Variants in POLR3F observed in about 807,000 individuals in gnomAD.
POLR3F encodes RNA polymerase III subunit F.
A neutral mutation model predicts 43.6 loss-of-function variants in POLR3F; 31 were observed. The observed-to-expected ratio is 0.71, with a 90% CI of 0.53 to 0.96. The LOEUF (loss-of-function observed/expected upper bound fraction) is 0.96. POLR3F is among the 40% of genes least tolerant of loss of function. POLR3F has a pLI of 0.00. For synonymous variants in POLR3F, 114 were observed against 132.5 expected (o/e 0.86, Z 0.96); for missense variants, 316 against 391.7 (o/e 0.81, Z 1.63).
intron 2 of POLR3F, among the ~76,000 whole-genome samples, chr20:18,472,528 CTATT>C (rs1247763319): frequency 2.6e-5 from 4 of 151,700 alleles, no homozygotes; most frequent in Admixed American, 1.3e-4. Flanking sequence ...CAGAATATGC[CTATT>C]TAGTCTTTAT....
At chr20:18,470,094 T>G (rs1366318671) in intron 2 of POLR3F, among the ~76,000 whole-genome samples, 2 of 152,208 alleles carry the variant, frequency 1.3e-5, no homozygotes, top group Non-Finnish European at 2.9e-5. Context: ...ACCCACCAAG[T>G]GGTGCCGATG....
chr20:18,468,728 G>T (rs955052280), intron 1 of POLR3F, among the ~76,000 whole-genome samples: 1 of 152,114 alleles, frequency 6.6e-6, no homozygotes, highest in Non-Finnish European at 1.5e-5. Context: ...GTGAGGAAAA[G>T]AAATATTCTT....
At chr20:18,481,556 A>C in intron 7 of POLR3F, 63 bp from the exon 8 acceptor site, 1 of 1,142,182 alleles carries the variant, frequency 8.8e-7, no homozygotes, top group Non-Finnish European at 1.3e-6. Flanking sequence ...ACTGTTTTTA[A>C]CACCCTCCAA....
At chr20:18,473,093 T>C (rs1031442493) in intron 3 of POLR3F, 184 bp downstream of exon 3, 9 of 379,064 alleles carry the variant, frequency 2.4e-5, no homozygotes, top group Admixed American at 8.6e-5. Flanking sequence ...CTTCTAGCTA[T>C]ATATAAATAC....
chr20:18,476,738 C>T (rs558719806), intron 5 of POLR3F, among the ~76,000 whole-genome samples: 2 of 152,282 alleles, frequency 1.3e-5, no homozygotes, highest in South Asian at 2.1e-4. Flanking sequence ...AAGTTACATA[C>T]TAAAAGATAT....
At chr20:18,481,310 C>T (rs538909171) in intron 7 of POLR3F, among the ~76,000 whole-genome samples, 11 of 152,298 alleles carry the variant, frequency 7.2e-5, no homozygotes, top group Admixed American at 4.6e-4. Flanking sequence ...AGTGCGATCT[C>T]AGCTCACTGC....
At chr20:18,471,896 C>T (rs1044524275) in intron 2 of POLR3F, among the ~76,000 whole-genome samples, 4 of 152,196 alleles carry the variant, frequency 2.6e-5, no homozygotes, top group Admixed American at 2.0e-4. Context: ...GCACGAGAAT[C>T]GCATGAACCC....
rs1219679949 is a variant in POLR3F, at chr20:18,483,602, T to G, written c.*44T>G. ...ATTGACATTTTGCAAATGAAGTTAC[T>G]TAGGGAGCAGATAATTTAATTCATG... On this transcript the variant is annotated 3_prime_UTR_variant, in exon 9 of 9. Coordinates refer to ENST00000377603, the MANE Select transcript of POLR3F (RefSeq NM_006466.4). 1.2e-6 allele frequency: 1 copy of G among 815,210 alleles called. No individual in the cohort carries two copies. Among genetic ancestry groups the G allele is most frequent in the Non-Finnish European group, 1.9e-6 (1 of 514,806 alleles). The allele number at this position is 815,210 out of a possible 1,614,324, so 50.5% of individuals were successfully genotyped here.
chr20:18,484,290 G>T lies in POLR3F; in HGVS notation c.*732G>T, dbSNP rs2059826491. 1 of 395,778 alleles carries T rather than the reference G, an allele frequency of 2.5e-6. No homozygotes were observed. Among genetic ancestry groups the T allele is most frequent in the South Asian group, 1.4e-4 (1 of 7,202 alleles). The allele number at this position is 395,778 out of a possible 1,614,324, so 24.5% of individuals were successfully genotyped here. A position where few individuals can be genotyped will look rare whatever the true frequency, so the allele number is the denominator to read the frequency against. ...TTATGTTTCACTCTTTAACTCAAAT[G>T]TATTCTTTGTTAGAATTTACCCTAG... On this transcript the variant is annotated 3_prime_UTR_variant, in exon 9 of 9. Coordinates refer to ENST00000377603, the MANE Select transcript of POLR3F (RefSeq NM_006466.4).
chr20:18,479,729 T>C (rs1156986431), intron 5 of POLR3F, among the ~76,000 whole-genome samples: 3 of 152,142 alleles, frequency 2.0e-5, no homozygotes, highest in Non-Finnish European at 2.9e-5. Flanking sequence ...CTGAGAGAGA[T>C]GACTAAATGT....
At chr20:18,468,326 C>T (rs1477291644) in intron 1 of POLR3F, among the ~76,000 whole-genome samples, 2 of 152,170 alleles carry the variant, frequency 1.3e-5, no homozygotes, top group African/African-American at 2.4e-5. Flanking sequence ...CCGCCCGCCT[C>T]GGCCTCCCAA....
At chr20:18,476,237 C>T (rs974195620) in intron 5 of POLR3F, among the ~76,000 whole-genome samples, 5 of 152,168 alleles carry the variant, frequency 3.3e-5, no homozygotes, top group Non-Finnish European at 7.4e-5. Context: ...CAAATGTGGC[C>T]ACTAGTATTT....
At chr20:18,479,915 A>C in intron 5 of POLR3F, 123 bp from the exon 6 acceptor site, 1 of 642,296 alleles carries the variant, frequency 1.6e-6, no homozygotes, top group Non-Finnish European at 2.7e-6. Flanking sequence ...TGATGTATAT[A>C]GGAGCTCTGT....
chr20:18,471,807 A>G (rs2059753484), intron 2 of POLR3F, among the ~76,000 whole-genome samples: 2 of 152,164 alleles, frequency 1.3e-5, no homozygotes, highest in South Asian at 4.1e-4. Flanking sequence ...ACATGGCCTA[A>G]CCCTATCTCT....
chr20:18,475,104 AG>A lies in POLR3F; in HGVS notation c.347del (p.Ser116IlefsTer5). ...ATGGAGCAGAGATATCCGCTATAAA[AG>A]TAATTTGCCATTAACAGAAATCAAC... is the stretch of plus-strand genomic sequence containing the variant. ...GIWSRDIRYKSNLPLTEINKI... is the reference protein window; with the variant it reads ...GIWSRDIRYKXNLPLTEINKI... On this transcript the variant is annotated frameshift_variant, in exon 5 of 9. Transcript: ENST00000377603. LOFTEE classifies it high-confidence loss of function. The A allele has an allele frequency of 1.3e-6, 2 of 1,500,004 alleles. No individual in the cohort carries two copies. Among genetic ancestry groups the A allele is most frequent in the Non-Finnish European group, 1.9e-6 (2 of 1,077,510 alleles). 92.9% of individuals were successfully genotyped at this position (1,500,004 alleles called of 1,614,324 possible).
chr20:18,481,743 T>C lies in POLR3F; in HGVS notation c.806T>C (p.Leu269Pro). The C allele has an allele frequency of 1.2e-6, 2 of 1,613,272 alleles. No individual in the cohort carries two copies. Among genetic ancestry groups the C allele is most frequent in the Non-Finnish European group, 1.7e-6 (2 of 1,179,424 alleles). Residue 269 changes from leucine to proline, a missense_variant, in exon 8 of 9, where the codon CTG (leucine) becomes CCG (proline). Coordinates refer to ENST00000377603, the MANE Select transcript of POLR3F (RefSeq NM_006466.4). Reference protein sequence around the residue: ...TVGSVDGHMKLYRAVNPIIPP... With the variant: ...TVGSVDGHMKPYRAVNPIIPP... ...GGCAGTGTAGATGGACACATGAAAC[T>C]GTACAGGGCAGTCAATCCAATCATC...
At chr20:18,473,139 C>T (rs955975485) in intron 3 of POLR3F, 31 of 305,012 alleles carry the variant, frequency 1.0e-4, no homozygotes, top group African/African-American at 6.9e-4. Context: ...TAATCTTTCT[C>T]TTTTTTTTTT....
chr20:18,481,579 C>A, intron 7 of POLR3F, 40 bp from the exon 8 acceptor site: 2 of 1,348,966 alleles, frequency 1.5e-6, no homozygotes, highest in South Asian at 2.4e-5. Flanking sequence ...GGATGTCTCC[C>A]TATCCTACTT....
chr20:18,467,775 A>G (rs2059704805), intron 1 of POLR3F: 1 of 1,025,232 alleles, frequency 9.8e-7, no homozygotes. Context: ...GACAGCTTGC[A>G]ACTTTGTGTA....
Sources: gnomAD v4.1 joint callset for allele counts (sites outside exome capture counted in the v4.1 genomes callset) on GRCh38, gnomAD v4.1.1 for gene constraint, MANE v1.5 for transcripts, NCBI Gene and HGNC (gene_info 2026-07-23, HGNC 2026-07-21) for gene names.